The following PRKCQ variants were observed in gnomAD, a reference collection of about 807,000 sequenced individuals.
PRKCQ encodes protein kinase C theta type.
In PRKCQ, 41 loss-of-function variants were observed where a neutral mutation model predicts 91.2. The observed-to-expected ratio is 0.45, with a 90% confidence interval of 0.35 to 0.58. PRKCQ has a LOEUF of 0.58. Ranked by LOEUF, PRKCQ falls within the 20% of genes least tolerant of loss-of-function variation. The pLI is 0.00. For synonymous variants in PRKCQ, 307 were observed against 316.9 expected, an observed-to-expected ratio of 0.97 and a Z score of 0.33; for missense variants, 673 against 896.5, an observed-to-expected ratio of 0.75 and a Z score of 3.18.
At chr10:6,457,516 T>C (rs1835071121) in intron 14 of PRKCQ, among the ~76,000 whole-genome samples, 1 of 152,216 alleles carries the variant, frequency 6.6e-6, no homozygotes, top group South Asian at 2.1e-4. Context: ...CTCCTCATGA[T>C]GTGGTTTTCA....
intron 1 of PRKCQ, among the ~76,000 whole-genome samples, chr10:6,516,851 A>G (rs1374754954): frequency 6.6e-6 from 1 of 152,116 alleles, no homozygotes; most frequent in Non-Finnish European, 1.5e-5. Context: ...GGAAACCTCC[A>G]GGGTGACCAG....
At chr10:6,518,072 A>AT (rs1282699380) in intron 1 of PRKCQ, among the ~76,000 whole-genome samples, 1 of 152,204 alleles carries the variant, frequency 6.6e-6, no homozygotes, top group Non-Finnish European at 1.5e-5. Context: ...GCATGAGCAA[A>AT]TTTTGGGGAA....
At chr10:6,438,517 T>C (rs1588655227) in intron 16 of PRKCQ, among the ~76,000 whole-genome samples, 1 of 152,218 alleles carries the variant, frequency 6.6e-6, no homozygotes, top group Admixed American at 6.5e-5. Flanking sequence ...CCAGCTGACA[T>C]ATGAAATGCC....
intron 13 of PRKCQ, 39 bp from the exon 14 acceptor site, chr10:6,462,404 C>T (rs1312443025): frequency 6.3e-7 from 1 of 1,595,810 alleles, no homozygotes; most frequent in South Asian, 1.1e-5. Flanking sequence ...TGAATGTTGT[C>T]ATGGAACGAA....
intron 8 of PRKCQ, among the ~76,000 whole-genome samples, chr10:6,487,436 C>T (rs1368639865): frequency 6.6e-6 from 1 of 152,182 alleles, no homozygotes; most frequent in Admixed American, 6.5e-5. Context: ...AGCGTGGACA[C>T]TGTGTGACCT....
chr10:6,429,576 A>AGT (rs1833302054), intron 17 of PRKCQ, among the ~76,000 whole-genome samples: 1 of 152,150 alleles, frequency 6.6e-6, no homozygotes, highest in Non-Finnish European at 1.5e-5. Context: ...GGCCCCCTTC[A>AGT]GCACGGATAT....
chr10:6,553,974 T>TAAA (rs35281231), intron 1 of PRKCQ, among the ~76,000 whole-genome samples: 84 of 150,970 alleles, frequency 5.6e-4, no homozygotes, highest in East Asian at 4.7e-3. Context: ...GTGGAAACAG[T>TAAA]AAAAAAAAAC....
intron 4 of PRKCQ, among the ~76,000 whole-genome samples, chr10:6,506,939 A>T (rs1431610064): frequency 1.3e-5 from 2 of 152,208 alleles, no homozygotes; most frequent in Admixed American, 1.3e-4. Context: ...ACCCTTTAGC[A>T]ATGTGTTTTC....
chr10:6,426,779 CA>C (rs781269612), downstream of PRKCQ, among the ~76,000 whole-genome samples: 4 of 152,216 alleles, frequency 2.6e-5, no homozygotes, highest in Non-Finnish European at 4.4e-5. Context: ...GAATATTATG[CA>C]GACTTGCTTT....
At chr10:6,454,356 G>A (rs1225111752) in intron 15 of PRKCQ, among the ~76,000 whole-genome samples, 1 of 152,158 alleles carries the variant, frequency 6.6e-6, no homozygotes, top group Non-Finnish European at 1.5e-5. Context: ...TTCTGCACTA[G>A]GGTAACAGCA....
intron 15 of PRKCQ, among the ~76,000 whole-genome samples, chr10:6,451,300 T>C (rs1257041688): frequency 2.0e-5 from 3 of 151,650 alleles, no homozygotes; most frequent in African/African-American, 4.8e-5. Flanking sequence ...TACAAACACC[T>C]CTACACAAAT....
chr10:6,462,162 C>A, intron 14 of PRKCQ, 141 bp downstream of exon 14: 1 of 723,218 alleles, frequency 1.4e-6, no homozygotes. Flanking sequence ...TCCATGTAAT[C>A]ATTGTGGGCA....
intron 12 of PRKCQ, among the ~76,000 whole-genome samples, chr10:6,468,412 G>A (rs1160596696): frequency 6.6e-6 from 1 of 152,236 alleles, no homozygotes; most frequent in Non-Finnish European, 1.5e-5. Flanking sequence ...CAAATATTGA[G>A]TAAACAAGGA....
chr10:6,566,137 G>C (rs1840828557), intron 1 of PRKCQ, among the ~76,000 whole-genome samples: 1 of 152,160 alleles, frequency 6.6e-6, no homozygotes, highest in South Asian at 2.1e-4. Flanking sequence ...TAACACTGTA[G>C]AACGAATCAT....
intron 17 of PRKCQ, among the ~76,000 whole-genome samples, chr10:6,429,527 G>A (rs994460063): frequency 7.2e-5 from 11 of 152,038 alleles, no homozygotes; most frequent in Admixed American, 3.3e-4. Context: ...TAGCCTGTGC[G>A]TTCTCTGGGG....
At chr10:6,572,214 T>A (rs1379010484) in intron 1 of PRKCQ, among the ~76,000 whole-genome samples, 1 of 152,210 alleles carries the variant, frequency 6.6e-6, no homozygotes, top group Non-Finnish European at 1.5e-5. Context: ...CATAGGTATG[T>A]AATTTTCTTT....
At chr10:6,469,984 A>G (rs1036147977) in intron 12 of PRKCQ, among the ~76,000 whole-genome samples, 1 of 152,190 alleles carries the variant, frequency 6.6e-6, no homozygotes, top group Non-Finnish European at 1.5e-5. Context: ...CTCTGGCTCA[A>G]GCATTTCCCA....
At chr10:6,514,944 G>T in intron 2 of PRKCQ, 74 bp downstream of exon 2, 1 of 1,600,060 alleles carries the variant, frequency 6.2e-7, no homozygotes. Context: ...TGTCCTGGAA[G>T]ACCTTGCTTC....
intron 11 of PRKCQ, among the ~76,000 whole-genome samples, chr10:6,481,461 A>C (rs1485940451): frequency 6.6e-6 from 1 of 152,236 alleles, no homozygotes; most frequent in Non-Finnish European, 1.5e-5. Context: ...TACAATGAAG[A>C]CTGGCTGTAA....
Sources: allele counts gnomAD v4.1 joint callset (sites outside exome capture counted in the v4.1 genomes callset), GRCh38; gene constraint gnomAD v4.1.1; transcripts MANE v1.5; gene names NCBI Gene and HGNC (gene_info 2026-07-23, HGNC 2026-07-21).